Variants in TNFRSF8 observed in about 807,000 individuals in gnomAD.
TNFRSF8 encodes the protein tumor necrosis factor receptor superfamily member 8.
TNFRSF8 carries 26 observed loss-of-function variants against 70.8 expected under a neutral mutation model. That is an observed-to-expected ratio of 0.37 (90% confidence interval 0.27 to 0.51). TNFRSF8 has a LOEUF of 0.51. Ranked by LOEUF, TNFRSF8 falls within the 20% of genes least tolerant of loss-of-function variation. The pLI, the probability that TNFRSF8 is intolerant of heterozygous loss-of-function variation, is 0.94. For missense variants in TNFRSF8, 720 were observed against 807.9 expected (o/e 0.89, Z 1.32); for synonymous variants, 356 against 339.2 (o/e 1.05, Z -0.54).
At chr1:12,140,444 G>C (rs1642231153) in intron 14 of TNFRSF8, among the ~76,000 whole-genome samples, 1 of 152,104 alleles carries the variant, frequency 6.6e-6, no homozygotes, top group African/African-American at 2.4e-5. Context: ...TTCCTCACCT[G>C]CCCTCCCCAC....
At chr1:12,091,882 C>G (rs1049598390) in intron 2 of TNFRSF8, among the ~76,000 whole-genome samples, 8 of 152,208 alleles carry the variant, frequency 5.3e-5, no homozygotes, top group Non-Finnish European at 8.8e-5. Flanking sequence ...AGCATGCAAC[C>G]TAGATCCCTT....
chr1:12,065,259 T>A (rs1640718615), intron 1 of TNFRSF8, among the ~76,000 whole-genome samples: 1 of 152,074 alleles, frequency 6.6e-6, no homozygotes, highest in South Asian at 2.1e-4. Flanking sequence ...ATTTTTGTAT[T>A]TTTAGTAAAG....
chr1:12,090,304 C>G (rs1326410860), intron 2 of TNFRSF8, among the ~76,000 whole-genome samples: 1 of 151,570 alleles, frequency 6.6e-6, no homozygotes, highest in Non-Finnish European at 1.5e-5. Context: ...ATCCATCTAT[C>G]CACCCATCCA....
intron 1 of TNFRSF8, among the ~76,000 whole-genome samples, chr1:12,076,183 C>T (rs1237434279): frequency 6.6e-6 from 1 of 151,070 alleles, no homozygotes; most frequent in Non-Finnish European, 1.5e-5. Flanking sequence ...TCACCACAAC[C>T]TCTGCCTCCC....
intron 2 of TNFRSF8, among the ~76,000 whole-genome samples, chr1:12,093,241 C>T (rs1382005621): frequency 2.0e-5 from 3 of 152,130 alleles, no homozygotes. Flanking sequence ...GTTAGGACTC[C>T]AGCATATATA....
intron 2 of TNFRSF8, among the ~76,000 whole-genome samples, chr1:12,096,106 A>G (rs1319339893): frequency 6.6e-6 from 1 of 152,184 alleles, no homozygotes; most frequent in African/African-American, 2.4e-5. Context: ...TGCCCATACT[A>G]AACTAATCAC....
At chr1:12,079,759 GAAGACTGCCCTCCGGTGGC>G (rs1374178601) in intron 1 of TNFRSF8, among the ~76,000 whole-genome samples, 1 of 152,142 alleles carries the variant, frequency 6.6e-6, no homozygotes. Flanking sequence ...CGCACAGCAA[GAAGACTGCCCTCCGGTGGC>G]AAGCTATGGA....
chr1:12,129,057 A>G (rs974868616), intron 12 of TNFRSF8, among the ~76,000 whole-genome samples: 1 of 150,074 alleles, frequency 6.7e-6, no homozygotes, highest in African/African-American at 2.5e-5. Context: ...CTGGTCTCAA[A>G]CTCCTGACCT....
chr1:12,073,687 G>A (rs1245935708), intron 1 of TNFRSF8, among the ~76,000 whole-genome samples: 4 of 150,438 alleles, frequency 2.7e-5, no homozygotes, highest in Admixed American at 6.6e-5. Flanking sequence ...TCTGCCTCCC[G>A]GGTTCAAACG....
intron 1 of TNFRSF8, among the ~76,000 whole-genome samples, chr1:12,072,494 T>G (rs963007264): frequency 6.6e-6 from 1 of 152,034 alleles, no homozygotes; most frequent in Admixed American, 6.6e-5. Context: ...CCACAGATGG[T>G]GCCATTGTCC....
chr1:12,104,656 C>A, intron 4 of TNFRSF8, 125 bp downstream of exon 4: 2 of 1,239,062 alleles, frequency 1.6e-6, no homozygotes, highest in Non-Finnish European at 2.3e-6. Context: ...CAGATCATGT[C>A]TCCTTTGGCG....
At chr1:12,134,979 G>T (rs1026849438) in intron 12 of TNFRSF8, among the ~76,000 whole-genome samples, 1 of 152,132 alleles carries the variant, frequency 6.6e-6, no homozygotes, top group Non-Finnish European at 1.5e-5. Context: ...GGGGGTGGGG[G>T]TTGGGAGAGT....
At chr1:12,101,268 A>T (rs1337281176) in intron 3 of TNFRSF8, among the ~76,000 whole-genome samples, 3 of 151,806 alleles carry the variant, frequency 2.0e-5, no homozygotes, top group African/African-American at 7.3e-5. Flanking sequence ...TCTACACAAG[A>T]TAAAATACAT....
chr1:12,063,566 G>C lies in TNFRSF8; in HGVS notation c.-33G>C. 5.4e-6 allele frequency: 7 copies of C among 1,304,398 alleles called. No homozygotes were observed. Among genetic ancestry groups the C allele is most frequent in the Non-Finnish European group, 6.9e-6 (7 of 1,019,794 alleles). The allele number at this position is 1,304,398 out of a possible 1,614,324, so 80.8% of individuals were successfully genotyped here. On this transcript the variant is annotated 5_prime_UTR_variant, in exon 1 of 15. Transcript: ENST00000263932. This position sits in a 1 kb window ranked among gnomAD's most constrained non-coding sequence, Gnocchi z 7.2. The stretch of plus-strand genomic sequence containing the variant: ...TTCCCCCGCTTCCCAGGTGGGCGCC[G>C]GCCGCCAGGCCACCTCACGTCCGGC...
At chr1:12,137,559 T>TTTTTTTTG (rs1642170225) in intron 13 of TNFRSF8, among the ~76,000 whole-genome samples, 2 of 123,040 alleles carry the variant, frequency 1.6e-5, no homozygotes, top group African/African-American at 6.2e-5. Flanking sequence ...TTTTTTTTTG[T>TTTTTTTTG]TTTTTTTTTG....
intron 1 of TNFRSF8, 127 bp from the exon 2 acceptor site, chr1:12,084,337 G>A (rs1641115652): frequency 2.4e-6 from 2 of 826,564 alleles, no homozygotes; most frequent in Admixed American, 2.0e-5. Context: ...GTGGAATCAG[G>A]AGTTCTCGTC....
chr1:12,097,087 G>A lies in TNFRSF8; in HGVS notation c.152-14G>A. The A allele has an allele frequency of 6.2e-7, 1 of 1,610,954 alleles. No individual in the cohort carries two copies. The highest frequency in any genetic ancestry group is 8.5e-7 in the Non-Finnish European group (1 of 1,177,612). On this transcript the variant is annotated splice_polypyrimidine_tract_variant and intron_variant, in intron 2 of 14. Transcript: ENST00000263932. ...AGTCAGCCTGGCTTGGAGCTTCTCT[G>A]TTTCTTTTCCCAGGGCTGTTCCCGA...
rs552849793 is a variant in TNFRSF8 at position 12,081,562 on chromosome 1, T to C, written c.64-2902T>C. 1.6e-3 allele frequency among the ~76,000 whole-genome samples: 247 copies of C among 151,136 alleles called. 1 individual carries two copies. The highest frequency in any genetic ancestry group is 3.1e-3 in the Non-Finnish European group (211 of 67,854). The stretch of plus-strand genomic sequence containing the variant: ...TCAAGGCCCGGGGCTCTGGATTAAA[T>C]AAGAAGGGAGACAACTCAAGCGCCA... On this transcript the variant is annotated intron_variant, in intron 1 of 14. Transcript: ENST00000263932.
rs1043839318 is a variant in TNFRSF8, at chr1:12,109,772, C to T, written c.512+116C>T. On this transcript the variant is annotated intron_variant, in intron 5 of 14. Transcript: ENST00000263932. The surrounding 1 kb of genome is among the most constrained non-coding windows in gnomAD (Gnocchi z 4.4). ...GCTGGGGGTGTAAGCGGGATTCAGC[C>T]CATGGTGTCAGCACTTTGGGGTGCC... is the stretch of plus-strand genomic sequence containing the variant. 8 of 963,670 alleles carry T rather than the reference C, an allele frequency of 8.3e-6. No homozygotes were observed. In the African/African-American group the frequency reaches 1.3e-4, roughly 16 times the overall value. The allele number at this position is 963,670 out of a possible 1,614,324, so 59.7% of individuals were successfully genotyped here. A position where few individuals can be genotyped will look rare whatever the true frequency, so the allele number is the denominator to read the frequency against.
Sources: allele counts gnomAD v4.1 joint callset (sites outside exome capture counted in the v4.1 genomes callset), GRCh38; gene constraint gnomAD v4.1.1; non-coding constraint Gnocchi (gnomAD v3.1); transcripts MANE v1.5; gene names NCBI Gene and HGNC (gene_info 2026-07-23, HGNC 2026-07-21).